Variants in ADGB observed in about 807,000 individuals in gnomAD.
ADGB encodes calpain-7-like protein.
A neutral mutation model predicts 210.5 loss-of-function variants in ADGB; 172 were observed. The observed-to-expected ratio is 0.82, with a 90% CI of 0.72 to 0.93. ADGB has a LOEUF of 0.93. Ranked by LOEUF, ADGB falls within the 40% of genes least tolerant of loss-of-function variation. The probability of loss-of-function intolerance (pLI) is 0.00; values close to 1 mark genes in which losing one functional copy is unlikely to be tolerated. For synonymous variants in ADGB, 658 were observed against 662.7 expected, an observed-to-expected ratio of 0.99 and a Z score of 0.11; for missense variants, 2,025 against 1,964.8, an observed-to-expected ratio of 1.03 and a Z score of -0.58.
chr6:146,717,496 C>T (rs1776752899), intron 15 of ADGB, 40 bp from the exon 16 acceptor site: 1 of 1,131,190 alleles, frequency 8.8e-7, no homozygotes, highest in East Asian at 2.7e-5. Flanking sequence ...TAGTCTTTGC[C>T]TATAATGACA....
At chr6:146,740,365 T>A in intron 23 of ADGB, 94 bp from the exon 24 acceptor site, 1 of 1,138,190 alleles carries the variant, frequency 8.8e-7, no homozygotes, top group Non-Finnish European at 1.2e-6. Flanking sequence ...ACTTGCAATA[T>A]CTTATACTAT....
chr6:146,663,681 C>T (rs1775899087), intron 5 of ADGB, among the ~76,000 whole-genome samples: 1 of 151,762 alleles, frequency 6.6e-6, no homozygotes, highest in South Asian at 2.1e-4. Flanking sequence ...AGTATTTATC[C>T]TTTTGCATCT....
At chr6:146,671,690 A>C (rs1389955278) in intron 7 of ADGB, among the ~76,000 whole-genome samples, 1 of 152,178 alleles carries the variant, frequency 6.6e-6, no homozygotes, top group Non-Finnish European at 1.5e-5. Flanking sequence ...GAAAAGAATT[A>C]AATTGTCAAC....
At chr6:146,610,370 A>G (rs763947129) in intron 1 of ADGB, among the ~76,000 whole-genome samples, 105 of 152,178 alleles carry the variant, frequency 6.9e-4, no homozygotes, top group Non-Finnish European at 4.0e-4. Context: ...GTTGGGAACC[A>G]TTGCTGGGGA....
In ADGB at chr6:146,682,495, A is replaced by G. The variant is rs890043893; in HGVS notation, c.1217-3239A>G. 2.6e-5 allele frequency among the ~76,000 whole-genome samples: 4 copies of G among 152,154 alleles called. No homozygotes were observed. In the South Asian group the frequency reaches 8.3e-4, roughly 32 times the overall value. ...ATTTCATTTCATCATTCAAGAGTAT[A>G]TTTTTTCTTAAATTTCTTTCTCAAT... On this transcript the variant is annotated intron_variant, in intron 9 of 35. Coordinates refer to ENST00000397944, the MANE Select transcript of ADGB (RefSeq NM_024694.4).
At chr6:146,654,894 G>A (rs1432916465) in intron 4 of ADGB, among the ~76,000 whole-genome samples, 1 of 152,030 alleles carries the variant, frequency 6.6e-6, no homozygotes, top group Admixed American at 6.5e-5. Flanking sequence ...CTGCATTGTT[G>A]CAAGTAAATC....
chr6:146,716,599 CAAAAAAAAA>C (rs10606792), intron 14 of ADGB, among the ~76,000 whole-genome samples: 2 of 66,812 alleles, frequency 3.0e-5, no homozygotes, highest in Non-Finnish European at 4.6e-5. Context: ...GACTCCGTCT[CAAAAAAAAA>C]AAAAAAAAAA....
intron 29 of ADGB, among the ~76,000 whole-genome samples, chr6:146,769,601 G>A (rs1450453078): frequency 6.6e-6 from 1 of 151,904 alleles, no homozygotes; most frequent in African/African-American, 2.4e-5. Flanking sequence ...TAGTATTCCT[G>A]GCCAGGAAGC....
In ADGB at chr6:146,793,903, T is replaced by A. The variant is rs896915072; in HGVS notation, c.4537+5293T>A. On this transcript the variant is annotated intron_variant, in intron 33 of 35. Coordinates refer to ENST00000397944, the MANE Select transcript of ADGB (RefSeq NM_024694.4). ...CTCAGTGGTTTTGGAGAGTCACTGC[T>A]GCCAAAGAGTCTATTTGGGATTGTA... 2.0e-5 allele frequency among the ~76,000 whole-genome samples: 3 copies of A among 152,228 alleles called. No individual in the cohort carries two copies. The East Asian group carries it at 5.8e-4, about 29-fold the overall frequency.
chr6:146,801,852 G>T lies in ADGB; in HGVS notation c.4659G>T (p.Leu1553=). 6.5e-7 allele frequency: 1 copy of T among 1,546,638 alleles called. No homozygotes were observed. The highest frequency in any genetic ancestry group is 8.7e-7 in the Non-Finnish European group (1 of 1,144,658). Residue 1553 remains leucine (L), a synonymous_variant, in exon 35 of 36, where the codon CTG becomes CTT. Transcript: ENST00000397944. ...YVRKTDTDPL[L]QTDELNQQQA... The stretch of plus-strand genomic sequence containing the variant: ...GGAAAACAGATACAGATCCTCTGCT[G>T]CAAACAGATGAATTGAATCAGCAGC...
rs1164558889 is a variant in ADGB, at chr6:146,788,596, G to A, written c.4523G>A (p.Arg1508Gln). The change falls in exon 33 of 36, where the codon CGG becomes CAG. Residue 1508 changes from arginine (R) to glutamine (Q), a missense_variant. Physicochemically the swap from Arg to Gln is conservative, Grantham distance 43 (BLOSUM62 1). Transcript: ENST00000397944. The part of the protein sequence containing the change: ...PGKEEREQST[R>Q]KENIQTGPRT... ...AAAGAAGAGCGCGAGCAGAGCACAC[G>A]GAAGGAAAACATTCGTAAGTATTGC... is the stretch of plus-strand genomic sequence containing the variant. The A allele has an allele frequency of 9.0e-6, 14 of 1,551,388 alleles. No homozygotes were observed. The highest frequency in any genetic ancestry group is 2.7e-5 in the African/African-American group (2 of 72,994).
At chr6:146,728,410 T>C (rs1776929019) in intron 19 of ADGB, among the ~76,000 whole-genome samples, 164 bp from the exon 20 acceptor site, 1 of 152,224 alleles carries the variant, frequency 6.6e-6, no homozygotes, top group South Asian at 2.1e-4. Flanking sequence ...TCCTTGTTTT[T>C]TCTGAGACTA....
At chr6:146,603,361 G>T (rs1275316689) in intron 1 of ADGB, among the ~76,000 whole-genome samples, 1 of 152,142 alleles carries the variant, frequency 6.6e-6, no homozygotes, top group Non-Finnish European at 1.5e-5. Flanking sequence ...AATTCTTTGT[G>T]TATATCATAG....
intron 7 of ADGB, among the ~76,000 whole-genome samples, chr6:146,671,503 CTTT>C (rs1273094853): frequency 1.3e-5 from 2 of 151,986 alleles, no homozygotes; most frequent in Non-Finnish European, 2.9e-5. Context: ...GTTTACTTAT[CTTT>C]TTTTATTTGC....
chr6:146,607,451 T>C (rs1276196971), intron 1 of ADGB, among the ~76,000 whole-genome samples: 4 of 152,076 alleles, frequency 2.6e-5, no homozygotes, highest in African/African-American at 9.7e-5. Flanking sequence ...GTGGTGAGAG[T>C]AGGCATCCTT....
intron 1 of ADGB, among the ~76,000 whole-genome samples, chr6:146,601,718 A>G (rs1269153249): frequency 6.6e-6 from 1 of 152,238 alleles, no homozygotes; most frequent in Non-Finnish European, 1.5e-5. Flanking sequence ...GAAAACGGCT[A>G]TGCAATAGAA....
intron 35 of ADGB, among the ~76,000 whole-genome samples, chr6:146,810,311 G>A (rs879565606): frequency 5.3e-5 from 8 of 152,154 alleles, no homozygotes; most frequent in Non-Finnish European, 7.3e-5. Context: ...GATAAGTGTT[G>A]GGGAGGGTGT....
chr6:146,686,530 T>C lies in ADGB; in HGVS notation c.1311+702T>C, dbSNP rs556457757. On this transcript the variant is annotated intron_variant, in intron 10 of 35. Coordinates refer to ENST00000397944, the MANE Select transcript of ADGB (RefSeq NM_024694.4). Reference sequence around the variant, plus strand: ...ACCATCTTTTCACTTCACAAGATATTGTTAACATTTTTTTCATGATGTTAA... The same window carrying C: ...ACCATCTTTTCACTTCACAAGATATCGTTAACATTTTTTTCATGATGTTAA... Among the ~76,000 whole-genome samples, 10 of 152,242 alleles carry C rather than the reference T, an allele frequency of 6.6e-5. 1 individual carries two copies. The South Asian group carries it at 2.1e-3, about 32-fold the overall frequency.
At chr6:146,724,543 T>C (rs910398189) in intron 18 of ADGB, 5 of 347,804 alleles carry the variant, frequency 1.4e-5, no homozygotes, top group Non-Finnish European at 2.5e-5. Context: ...AGATTCATAA[T>C]TGTCAAAGAT....
Sources: gnomAD v4.1 joint callset for allele counts (sites outside exome capture counted in the v4.1 genomes callset) on GRCh38, gnomAD v4.1.1 for gene constraint, MANE v1.5 for transcripts, NCBI Gene and HGNC (gene_info 2026-07-23, HGNC 2026-07-21) for gene names.